Variants in DDB1 observed in about 807,000 individuals in gnomAD.
DDB1 encodes DNA damage-binding protein 1.
Under a neutral mutation model 133.1 loss-of-function variants are expected in DDB1, and 18 were observed. The ratio of observed to expected loss-of-function variants is 0.14; its 90% CI spans 0.09 to 0.20. The LOEUF (loss-of-function observed/expected upper bound fraction) is 0.20, where lower values mean the gene tolerates loss of function less well. Among genes scored for constraint, DDB1 ranks in the 10% least tolerant of loss-of-function variants. The pLI is 1.00. For synonymous variants in DDB1, 580 were observed against 550.5 expected (o/e 1.05, Z -0.75); for missense variants, 828 against 1,459.2 (o/e 0.57, Z 7.05).
At chr11:61,304,097 C>A (rs1855845277) in intron 21 of DDB1, 62 bp from the exon 22 acceptor site, 1 of 1,589,232 alleles carries the variant, frequency 6.3e-7, no homozygotes. Flanking sequence ...TGACTCCCCC[C>A]AACTCTTCGA....
chr11:61,330,000 G>A lies in DDB1; in HGVS notation c.285C>T (p.Gly95=), dbSNP rs368849375. The A allele has an allele frequency of 2.9e-5, 47 of 1,613,706 alleles. No homozygotes were observed. The highest frequency in any genetic ancestry group is 1.6e-4 in the Middle Eastern group (1 of 6,084). The change falls in exon 3 of 27, where the codon GGC becomes GGT. Residue 95 remains glycine (G), a synonymous_variant. Coordinates refer to ENST00000301764, the MANE Select transcript of DDB1 (RefSeq NM_001923.5). ...CTCGCGTAATGATGTCAATGCTCTC[G>A]CCACTCTGTTTATACTCCAGGATGC... ...NACILEYKQS[G]ESIDIITRAH...
At chr11:61,323,613 A>G (rs865780332) in intron 7 of DDB1, 4 of 253,700 alleles carry the variant, frequency 1.6e-5, no homozygotes, top group African/African-American at 6.6e-5. Context: ...GGGTTTTGCC[A>G]TATTGCCCAG....
At chr11:61,330,718 C>T (rs1856353605) in intron 2 of DDB1, among the ~76,000 whole-genome samples, 2 of 151,720 alleles carry the variant, frequency 1.3e-5, no homozygotes, top group African/African-American at 2.4e-5. Flanking sequence ...GCAATGGGCG[C>T]CATCTCCACT....
intron 9 of DDB1, 118 bp downstream of exon 9, chr11:61,322,178 C>A (rs954405900): frequency 1.2e-6 from 1 of 809,968 alleles, no homozygotes; most frequent in Non-Finnish European, 2.1e-6. Flanking sequence ...CACTGGGATT[C>A]ATGAGGGGGC....
chr11:61,332,566 C>T (rs1288902885), intron 1 of DDB1: 1 of 244,414 alleles, frequency 4.1e-6, no homozygotes, highest in Non-Finnish European at 7.8e-6. Flanking sequence ...TCGTCATTAC[C>T]ACCTCCCCTT....
chr11:61,312,210 C>A (rs917829558), intron 16 of DDB1, 126 bp from the exon 17 acceptor site: 5 of 748,352 alleles, frequency 6.7e-6, no homozygotes, highest in African/African-American at 1.7e-5. Context: ...CTAAACATCA[C>A]CTGGAGAGAC....
At chr11:61,322,730 G>C (rs889943925) in intron 8 of DDB1, 20 of 541,024 alleles carry the variant, frequency 3.7e-5, no homozygotes, top group African/African-American at 3.4e-4. Context: ...TATTCTAGAA[G>C]AAGTCCATTA....
intron 5 of DDB1, chr11:61,325,968 T>C (rs1856263274): frequency 1.8e-6 from 1 of 545,228 alleles, no homozygotes; most frequent in Admixed American, 3.1e-5. Flanking sequence ...GTCTTCTCCA[T>C]GTTCTTCCCC....
At chr11:61,310,260 C>A (rs755619744) in intron 19 of DDB1, 35 bp downstream of exon 19, 1 of 1,590,334 alleles carries the variant, frequency 6.3e-7, no homozygotes, top group Non-Finnish European at 8.6e-7. Context: ...TTAGGGAGGG[C>A]GTAGATAAAA....
At chr11:61,314,951 T>A (rs1473203049) in intron 12 of DDB1, 1 of 147,966 alleles carries the variant, frequency 6.8e-6, no homozygotes, top group Non-Finnish European at 1.5e-5. Flanking sequence ...TGCCTCAGCC[T>A]CCCAAGTAGC....
intron 5 of DDB1, 79 bp downstream of exon 5, chr11:61,326,700 G>C: frequency 8.9e-7 from 1 of 1,118,282 alleles, no homozygotes; most frequent in Non-Finnish European, 1.4e-6. Context: ...ACGAAGGGCA[G>C]AGAAGGTGAG....
chr11:61,306,673 C>T (rs961706989), intron 21 of DDB1, among the ~76,000 whole-genome samples: 1 of 152,194 alleles, frequency 6.6e-6, no homozygotes, highest in African/African-American at 2.4e-5. Context: ...TCCGCTCTGC[C>T]TCTTCTCAGA....
At position 61,299,816 on chromosome 11, in the gene DDB1, G is replaced by A. The variant is rs545112273; in HGVS notation, c.*320C>T. ...ACACATACACACACACACACGCACA[G>A]CTTCCTTTCAGCCAAAGAACTGCAA... On this transcript the variant is annotated 3_prime_UTR_variant, in exon 27 of 27. Transcript: ENST00000301764. 4.5e-6 allele frequency: 2 copies of A among 440,646 alleles called. No individual in the cohort carries two copies. Among genetic ancestry groups the A allele is most frequent in the South Asian group, 4.3e-5 (2 of 46,354 alleles). 27.3% of individuals were successfully genotyped at this position (440,646 alleles called of 1,614,324 possible). A position where few individuals can be genotyped will look rare whatever the true frequency, so the allele number is the denominator to read the frequency against.
At chr11:61,309,525 A>G (rs1855927834) in intron 20 of DDB1, among the ~76,000 whole-genome samples, 1 of 152,220 alleles carries the variant, frequency 6.6e-6, no homozygotes, top group African/African-American at 2.4e-5. Context: ...TGTTGTCACT[A>G]GATTCCCTTA....
At chr11:61,316,946 G>GATATATATATAT (rs58564398) in intron 10 of DDB1, among the ~76,000 whole-genome samples, 11 of 29,070 alleles carry the variant, frequency 3.8e-4, no homozygotes, top group Non-Finnish European at 5.2e-4. Flanking sequence ...AAAAAGGATA[G>GATATATATATAT]ATATATATAT....
chr11:61,314,291 C>T lies in DDB1; in HGVS notation c.1589+17G>A, dbSNP rs1565242025. The T allele has an allele frequency of 1.2e-5, 19 of 1,600,016 alleles. No homozygotes were observed. The highest frequency in any genetic ancestry group is 1.6e-5 in the Non-Finnish European group (19 of 1,173,580). ...AGAAAAGAGGAGGAAAGCGAGCAGA[C>T]AGAAAAACACACACACCTGATCTGC... On this transcript the variant is annotated intron_variant, in intron 13 of 26. Coordinates refer to ENST00000301764, the MANE Select transcript of DDB1 (RefSeq NM_001923.5).
At chr11:61,315,368 C>G (rs1313316981) in intron 12 of DDB1, 1 of 152,152 alleles carries the variant, frequency 6.6e-6, no homozygotes, top group African/African-American at 2.4e-5. Flanking sequence ...GATGAAAGCT[C>G]TTTAATAATA....
chr11:61,321,443 C>T (rs1426837324), intron 10 of DDB1, 152 bp downstream of exon 10: 6 of 365,484 alleles, frequency 1.6e-5, no homozygotes, highest in Admixed American at 7.2e-5. Flanking sequence ...TTTATACTTT[C>T]AGATATGTTT....
At chr11:61,314,894 A>T (rs1856039893) in intron 12 of DDB1, 1 of 143,904 alleles carries the variant, frequency 6.9e-6, no homozygotes, top group South Asian at 2.1e-4. Context: ...CAGTGGTGCA[A>T]TCTCAGCTCA....
Sources: allele counts gnomAD v4.1 joint callset (sites outside exome capture counted in the v4.1 genomes callset), GRCh38; gene constraint gnomAD v4.1.1; transcripts MANE v1.5; gene names NCBI Gene and HGNC (gene_info 2026-07-23, HGNC 2026-07-21).